The following ANGPT1 variants were observed in gnomAD, a reference collection of about 807,000 sequenced individuals.
The protein encoded by ANGPT1 is angiopoietin-1.
In ANGPT1, 17 loss-of-function variants were observed where a neutral mutation model predicts 62.2. The observed-to-expected ratio is 0.27, with a 90% CI of 0.19 to 0.41. The LOEUF is 0.41. ANGPT1 is among the 10% of genes least tolerant of loss of function. ANGPT1 has a pLI of 1.00. For missense variants in ANGPT1, 478 were observed against 594.9 expected (o/e 0.80, Z 2.04); for synonymous variants, 199 against 198.9 (o/e 1.00, Z 0.00).
chr8:107,258,490 AT>A (rs1176877992), intron 8 of ANGPT1, among the ~76,000 whole-genome samples: 2 of 152,184 alleles, frequency 1.3e-5, no homozygotes, highest in Non-Finnish European at 2.9e-5. Flanking sequence ...TTAATTGGTT[AT>A]TTCTCATCCA....
chr8:107,425,310 T>A (rs1028820369), intron 1 of ANGPT1, among the ~76,000 whole-genome samples: 4 of 152,202 alleles, frequency 2.6e-5, no homozygotes, highest in Non-Finnish European at 5.9e-5. Context: ...GAGGTTACTA[T>A]CTTGATTTTT....
At chr8:107,255,501 C>T (rs1034748242) in intron 8 of ANGPT1, among the ~76,000 whole-genome samples, 1 of 152,182 alleles carries the variant, frequency 6.6e-6, no homozygotes, top group Non-Finnish European at 1.5e-5. Flanking sequence ...CCAGACTTTT[C>T]ATGCTTACTT....
At chr8:107,356,744 T>C (rs1264706606) in intron 1 of ANGPT1, among the ~76,000 whole-genome samples, 1 of 152,196 alleles carries the variant, frequency 6.6e-6, no homozygotes, top group East Asian at 1.9e-4. Flanking sequence ...CCTCCTGAAA[T>C]GTGCTTCTTG....
intron 2 of ANGPT1, among the ~76,000 whole-genome samples, chr8:107,345,261 C>T (rs1331452129): frequency 6.6e-6 from 1 of 152,124 alleles, no homozygotes; most frequent in Admixed American, 6.5e-5. Context: ...TTGGCTGCTT[C>T]GTATAAGGAG....
chr8:107,497,915 T>C lies in ANGPT1; in HGVS notation c.-357A>G. The C allele has an allele frequency of 2.3e-6, 1 of 430,194 alleles. No individual in the cohort carries two copies. 26.6% of individuals were successfully genotyped at this position (430,194 alleles called of 1,614,324 possible). ...TCCTCTACCCTATCTGCTGCAGATCTGCTATTTTCTCCCAGACCTCAGTGA... is the reference window on the plus strand; with the variant it reads ...TCCTCTACCCTATCTGCTGCAGATCCGCTATTTTCTCCCAGACCTCAGTGA... On this transcript the variant is annotated 5_prime_UTR_variant, in exon 1 of 9. Coordinates refer to ENST00000517746, the MANE Select transcript of ANGPT1 (RefSeq NM_001146.5).
At chr8:107,378,552 C>G (rs1288477837) in intron 1 of ANGPT1, among the ~76,000 whole-genome samples, 2 of 152,158 alleles carry the variant, frequency 1.3e-5, no homozygotes, top group African/African-American at 2.4e-5. Context: ...CGGCTTGGCT[C>G]TATGTCCCCA....
At chr8:107,476,553 G>A (rs577560053) in intron 1 of ANGPT1, among the ~76,000 whole-genome samples, 3 of 151,968 alleles carry the variant, frequency 2.0e-5, no homozygotes, top group Non-Finnish European at 4.4e-5. Context: ...AAACCTGCAC[G>A]TTGTGCACAC....
chr8:107,372,323 C>A (rs1277951588), intron 1 of ANGPT1, among the ~76,000 whole-genome samples: 1 of 151,968 alleles, frequency 6.6e-6, no homozygotes, highest in Non-Finnish European at 1.5e-5. Context: ...ATAATTGCTA[C>A]CATTTTGAGC....
At chr8:107,448,943 G>A (rs974979986) in intron 1 of ANGPT1, among the ~76,000 whole-genome samples, 2 of 152,076 alleles carry the variant, frequency 1.3e-5, no homozygotes, top group Non-Finnish European at 2.9e-5. Flanking sequence ...GTCTTCTTAT[G>A]AGAGGGTTCA....
chr8:107,436,553 T>C (rs1446414753), intron 1 of ANGPT1, among the ~76,000 whole-genome samples: 1 of 152,210 alleles, frequency 6.6e-6, no homozygotes, highest in Admixed American at 6.5e-5. Context: ...TTGCTACCAA[T>C]TTCAGCAACC....
At chr8:107,338,705 T>C (rs1471454330) in intron 2 of ANGPT1, among the ~76,000 whole-genome samples, 1 of 152,212 alleles carries the variant, frequency 6.6e-6, no homozygotes, top group Non-Finnish European at 1.5e-5. Context: ...TCAGTGGGGA[T>C]AAATGGTAGA....
intron 5 of ANGPT1, among the ~76,000 whole-genome samples, chr8:107,296,354 T>C (rs1021998627): frequency 1.3e-5 from 2 of 151,912 alleles, no homozygotes; most frequent in Non-Finnish European, 2.9e-5. Flanking sequence ...GATAAACAAA[T>C]AGAGATGGAA....
chr8:107,338,152 G>T (rs991582462), intron 2 of ANGPT1, among the ~76,000 whole-genome samples: 18 of 152,140 alleles, frequency 1.2e-4, no homozygotes, highest in South Asian at 2.1e-4. Context: ...GCTGGACTTG[G>T]GCTACAGGAA....
intron 3 of ANGPT1, among the ~76,000 whole-genome samples, chr8:107,333,336 T>C (rs1268218150): frequency 1.3e-5 from 2 of 151,848 alleles, no homozygotes; most frequent in Admixed American, 1.3e-4. Context: ...GAACCACATG[T>C]GAGATAATGC....
intron 1 of ANGPT1, among the ~76,000 whole-genome samples, chr8:107,462,288 C>A (rs1273979886): frequency 2.6e-5 from 4 of 151,802 alleles, no homozygotes; most frequent in Non-Finnish European, 5.9e-5. Context: ...TCTGGGAGGA[C>A]TTCTCACTGC....
intron 1 of ANGPT1, among the ~76,000 whole-genome samples, chr8:107,450,396 G>C (rs575035277): frequency 6.6e-6 from 1 of 152,066 alleles, no homozygotes; most frequent in East Asian, 1.9e-4. Context: ...ATGTGATAAA[G>C]GTGGTGATTT....
At chr8:107,299,422 A>AT (rs1281291162) in intron 5 of ANGPT1, among the ~76,000 whole-genome samples, 1,322 of 116,118 alleles carry the variant, frequency 0.011, 19 homozygotes, top group Non-Finnish European at 0.016. Flanking sequence ...TATATATATA[A>AT]ACATACATAT....
intron 7 of ANGPT1, among the ~76,000 whole-genome samples, chr8:107,280,179 G>T (rs1202002867): frequency 1.3e-5 from 2 of 151,958 alleles, no homozygotes; most frequent in African/African-American, 4.8e-5. Flanking sequence ...AAGTAATCTT[G>T]GGTGATGTTA....
At chr8:107,438,008 G>A (rs913962171) in intron 1 of ANGPT1, among the ~76,000 whole-genome samples, 3 of 152,144 alleles carry the variant, frequency 2.0e-5, no homozygotes, top group Non-Finnish European at 4.4e-5. Context: ...ACACTCTGGC[G>A]TGGAGAAAAT....
Sources: gnomAD v4.1 joint callset for allele counts (sites outside exome capture counted in the v4.1 genomes callset) on GRCh38, gnomAD v4.1.1 for gene constraint, MANE v1.5 for transcripts, NCBI Gene and HGNC (gene_info 2026-07-23, HGNC 2026-07-21) for gene names.